ZNF607: variants seen among roughly 807,000 people sequenced by gnomAD.
ZNF607 encodes the protein zinc finger protein 607.
ZNF607 carries 5 observed loss-of-function variants against 12.8 expected under a neutral mutation model. The ratio of observed to expected loss-of-function variants is 0.39; its 90% CI spans 0.20 to 0.82. The LOEUF (loss-of-function observed/expected upper bound fraction) is 0.82, where lower values mean the gene tolerates loss of function less well. Ranked by LOEUF, ZNF607 falls within the 40% of genes least tolerant of loss-of-function variation. The pLI, the probability that ZNF607 is intolerant of heterozygous loss-of-function variation, is 0.39. For missense variants in ZNF607, 851 were observed against 859.2 expected, an observed-to-expected ratio of 0.99 and a Z score of 0.12; for synonymous variants, 287 against 276.2, an observed-to-expected ratio of 1.04 and a Z score of -0.39.
chr19:37,704,509 C>T (rs1003944463), intron 4 of ZNF607, among the ~76,000 whole-genome samples: 2 of 152,092 alleles, frequency 1.3e-5, no homozygotes, highest in Non-Finnish European at 1.5e-5. Context: ...CTAAATAAAC[C>T]ATAGGTCAAA....
intron 1 of ZNF607, among the ~76,000 whole-genome samples, chr19:37,715,021 C>T (rs1599670086): frequency 1.3e-5 from 2 of 152,108 alleles, no homozygotes; most frequent in East Asian, 3.9e-4. Flanking sequence ...ATTCTCCTGC[C>T]TCAGCTCTCC....
chr19:37,710,885 C>T (rs2045127605), intron 2 of ZNF607, among the ~76,000 whole-genome samples: 1 of 152,120 alleles, frequency 6.6e-6, no homozygotes, highest in Non-Finnish European at 1.5e-5. Context: ...AACTAGGTTT[C>T]CTGTGACCTC....
intron 1 of ZNF607, among the ~76,000 whole-genome samples, chr19:37,718,848 C>G (rs976467147): frequency 6.6e-6 from 1 of 152,116 alleles, no homozygotes; most frequent in Non-Finnish European, 1.5e-5. Context: ...GCTATAAATT[C>G]CCACTTGTTC....
chr19:37,705,839 C>CTTCTCTCTCT (rs1400818636), intron 4 of ZNF607, among the ~76,000 whole-genome samples: 3 of 152,124 alleles, frequency 2.0e-5, no homozygotes, highest in Non-Finnish European at 4.4e-5. Context: ...CCCCTGCTCC[C>CTTCTCTCTCT]TTCTCTCTCT....
chr19:37,716,503 T>C (rs1412357846), intron 1 of ZNF607, among the ~76,000 whole-genome samples: 1 of 152,236 alleles, frequency 6.6e-6, no homozygotes, highest in Non-Finnish European at 1.5e-5. Flanking sequence ...TCCAAAGTAA[T>C]GGTGTCTCAT....
Position 37,697,113 on chromosome 19 carries a change from CG to C in ZNF607, c.*926del. ...GCGAGGAAGCTGGCTAGTGATGGGC[CG>C]GAAGAGGATGCACAGTGTGATGTTG... On this transcript the variant is annotated 3_prime_UTR_variant, in exon 5 of 5. Transcript: ENST00000355202. 1 of 745,390 alleles carries C rather than the reference CG, an allele frequency of 1.3e-6. No individual in the cohort carries two copies. Among genetic ancestry groups the C allele is most frequent in the South Asian group, 1.4e-5 (1 of 73,146 alleles). 46.2% of individuals were successfully genotyped at this position (745,390 alleles called of 1,614,324 possible).
At chr19:37,715,110 G>A (rs946551658) in intron 1 of ZNF607, among the ~76,000 whole-genome samples, 4 of 151,616 alleles carry the variant, frequency 2.6e-5, no homozygotes, top group Non-Finnish European at 5.9e-5. Flanking sequence ...CTTTCACTAT[G>A]TTGACCAGGC....
At chr19:37,702,421 T>C (rs988997476) in intron 4 of ZNF607, among the ~76,000 whole-genome samples, 1 of 151,388 alleles carries the variant, frequency 6.6e-6, no homozygotes, top group Non-Finnish European at 1.5e-5. Flanking sequence ...GAAATAGCAA[T>C]TGAAAACATC....
intron 2 of ZNF607, among the ~76,000 whole-genome samples, chr19:37,711,267 G>C (rs528794273): frequency 2.3e-4 from 35 of 152,304 alleles, no homozygotes; most frequent in African/African-American, 7.9e-4. Context: ...AAATGGAACT[G>C]TTGTCTCAAT....
At chr19:37,708,678 C>A (rs2909094) in intron 3 of ZNF607, among the ~76,000 whole-genome samples, 3,259 of 151,654 alleles carry the variant, frequency 0.021, 125 homozygotes, top group African/African-American at 0.074. Flanking sequence ...GAAACCCTGT[C>A]TCTACTAAAA....
intron 2 of ZNF607, among the ~76,000 whole-genome samples, chr19:37,710,280 G>GA (rs781514995): frequency 4.9e-4 from 74 of 151,738 alleles, no homozygotes; most frequent in Non-Finnish European, 9.0e-4. Flanking sequence ...GCCTGACCAA[G>GA]ATGGAGAAAC....
At chr19:37,705,323 C>G (rs183437333) in intron 4 of ZNF607, among the ~76,000 whole-genome samples, 1 of 152,270 alleles carries the variant, frequency 6.6e-6, no homozygotes, top group African/African-American at 2.4e-5. Context: ...ACCACCAAAG[C>G]TTGACCAAGA....
At chr19:37,705,315 C>T (rs2045072093) in intron 4 of ZNF607, among the ~76,000 whole-genome samples, 1 of 152,122 alleles carries the variant, frequency 6.6e-6, no homozygotes, top group Non-Finnish European at 1.5e-5. Context: ...AGAAGCAGAC[C>T]ACCAAAGCTT....
intron 1 of ZNF607, among the ~76,000 whole-genome samples, chr19:37,715,432 C>T (rs2045168428): frequency 6.6e-6 from 1 of 150,736 alleles, no homozygotes; most frequent in Non-Finnish European, 1.5e-5. Context: ...CATGGTAAAA[C>T]CCCATCTCTA....
intron 1 of ZNF607, among the ~76,000 whole-genome samples, chr19:37,712,309 A>G (rs139665948): frequency 6.6e-6 from 1 of 152,356 alleles, no homozygotes; most frequent in African/African-American, 2.4e-5. Context: ...TTTGTAAAAT[A>G]TATAAATACA....
At position 37,699,352 on chromosome 19, in the gene ZNF607, T is replaced by C; in HGVS notation, c.779A>G (p.Lys260Arg). Reference sequence around the variant, plus strand: ...AAGGCCTGCTTTGAGCCTAAAGGACTTCCCACATTTGTTACATTCAAAGGG... The same window carrying C: ...AAGGCCTGCTTTGAGCCTAAAGGACCTCCCACATTTGTTACATTCAAAGGG... ...EKPFECNKCG[K>R]SFRLKAGLKV... Residue 260 changes from lysine to arginine, a missense_variant, in exon 5 of 5, where the codon AAG (lysine) becomes AGG (arginine). Transcript: ENST00000355202. The C allele has an allele frequency of 6.2e-7, 1 of 1,614,112 alleles. No individual in the cohort carries two copies. The highest frequency in any genetic ancestry group is 8.5e-7 in the Non-Finnish European group (1 of 1,180,008).
intron 1 of ZNF607, among the ~76,000 whole-genome samples, chr19:37,717,493 C>A (rs1436800888): frequency 2.0e-5 from 3 of 151,158 alleles, no homozygotes; most frequent in African/African-American, 4.8e-5. Flanking sequence ...CCCAAAATTC[C>A]ATTTTTAAAA....
At chr19:37,709,200 C>T (rs1198790330) in intron 3 of ZNF607, among the ~76,000 whole-genome samples, 1 of 152,204 alleles carries the variant, frequency 6.6e-6, no homozygotes, top group African/African-American at 2.4e-5. Context: ...GGACTACTTT[C>T]TTCTCAATTT....
At position 37,708,084 on chromosome 19, in the gene ZNF607, A is replaced by G. The variant is rs536945985; in HGVS notation, c.137-72T>C. 4.0e-6 allele frequency: 5 copies of G among 1,261,600 alleles called. No homozygotes were observed. The South Asian group carries it at 5.3e-5, about 13-fold the overall frequency. 78.2% of individuals were successfully genotyped at this position (1,261,600 alleles called of 1,614,324 possible). A position where few individuals can be genotyped will look rare whatever the true frequency, so the allele number is the denominator to read the frequency against. ...GGTAAAATTTAAAATTACAATTGCA[A>G]TAAATGAAAGGTCAAAGTGATACTG... On this transcript the variant is annotated intron_variant, in intron 3 of 4. Coordinates refer to ENST00000355202, the MANE Select transcript of ZNF607 (RefSeq NM_032689.5).
Sources: gnomAD v4.1 joint callset for allele counts (sites outside exome capture counted in the v4.1 genomes callset) on GRCh38, gnomAD v4.1.1 for gene constraint, MANE v1.5 for transcripts, NCBI Gene and HGNC (gene_info 2026-07-23, HGNC 2026-07-21) for gene names.